Variants in TNFRSF9 observed in about 807,000 individuals in gnomAD.
The protein encoded by TNFRSF9 is tumor necrosis factor receptor superfamily member 9.
In TNFRSF9, 16 loss-of-function variants were observed where a neutral mutation model predicts 28.8. That is an observed-to-expected ratio of 0.55 (90% CI 0.38 to 0.84). The LOEUF (loss-of-function observed/expected upper bound fraction) is 0.84. Ranked by LOEUF, TNFRSF9 falls within the 40% of genes least tolerant of loss-of-function variation. The pLI, the probability that TNFRSF9 is intolerant of heterozygous loss-of-function variation, is 0.00. For missense variants in TNFRSF9, 303 were observed against 315.0 expected, an observed-to-expected ratio of 0.96 and a Z score of 0.29; for synonymous variants, 131 against 117.0, an observed-to-expected ratio of 1.12 and a Z score of -0.77.
intron 7 of TNFRSF9, among the ~76,000 whole-genome samples, chr1:7,930,521 AC>A (rs1639719282): frequency 6.6e-6 from 1 of 152,122 alleles, no homozygotes; most frequent in Non-Finnish European, 1.5e-5. Flanking sequence ...ACTTTGGGAA[AC>A]CGAGGTGGGA....
chr1:7,938,759 C>A lies in TNFRSF9; in HGVS notation c.170G>T (p.Gly57Val). Residue 57 changes from glycine (G) to valine (V), a missense_variant, in exon 3 of 8, where the codon GGT (glycine) becomes GTT (valine). Gly to Val is a moderately radical substitution (Grantham distance 109, BLOSUM62 -3). Coordinates refer to ENST00000377507, the MANE Select transcript of TNFRSF9 (RefSeq NM_001561.6). ...PCPPNSFSSAGGQRTCDICRQ... is the reference protein window; with the variant it reads ...PCPPNSFSSAVGQRTCDICRQ... ...GCATATGTCACAGGTCCTTTGTCCA[C>A]CTGCGCTGGAGAAACTATTTGGAGG... 1 of 1,613,650 alleles carries A rather than the reference C, an allele frequency of 6.2e-7. No homozygotes were observed.
Position 7,937,693 on chromosome 1 carries a change from G to T in TNFRSF9, c.410C>A (p.Thr137Lys). ...DQKRGICRPW[T>K]NCSLDGKSVL... ...AACTAAAGGAAATTATACGTACTTTGTCCAGGGTCGACAGATGCCACGTTT... is the reference window on the plus strand; with the variant it reads ...AACTAAAGGAAATTATACGTACTTTTTCCAGGGTCGACAGATGCCACGTTT... The change falls in exon 5 of 8, where the codon ACA (threonine) becomes AAA (lysine). Residue 137 changes from threonine to lysine, a missense_variant. Physicochemically the swap from Thr to Lys is moderately conservative, Grantham distance 78. Coordinates refer to ENST00000377507, the MANE Select transcript of TNFRSF9 (RefSeq NM_001561.6). The T allele has an allele frequency of 6.2e-7, 1 of 1,612,528 alleles. No homozygotes were observed. Among genetic ancestry groups the T allele is most frequent in the Admixed American group, 1.7e-5 (1 of 60,000 alleles).
In TNFRSF9 at chr1:7,917,231, T is replaced by C. The variant is rs999693032; in HGVS notation, c.*3604A>G. On this transcript the variant is annotated 3_prime_UTR_variant, in exon 8 of 8. Coordinates refer to ENST00000377507, the MANE Select transcript of TNFRSF9 (RefSeq NM_001561.6). ...CAGGCGTGAGCCACCGTGCCTGACC[T>C]AGCTAAGACACTTCTGAAGTAGAAA... 6.6e-6 allele frequency: 1 copy of C among 152,170 alleles called. No homozygotes were observed. The highest frequency in any genetic ancestry group is 1.5e-5 in the Non-Finnish European group (1 of 68,042). The allele number at this position is 152,170 out of a possible 1,614,324, so 9.4% of individuals were successfully genotyped here. A position where few individuals can be genotyped will look rare whatever the true frequency, so the allele number is the denominator to read the frequency against.
intron 2 of TNFRSF9, among the ~76,000 whole-genome samples, chr1:7,939,497 T>C (rs1246265735): frequency 6.6e-6 from 1 of 152,146 alleles, no homozygotes; most frequent in African/African-American, 2.4e-5. Context: ...ACACTAAAAT[T>C]TAAATGCGAC....
intron 7 of TNFRSF9, among the ~76,000 whole-genome samples, chr1:7,922,964 G>A (rs902187324): frequency 2.7e-5 from 4 of 148,852 alleles, no homozygotes; most frequent in Non-Finnish European, 4.5e-5. Context: ...GTGCAATGGC[G>A]TGATCTCAGC....
chr1:7,925,588 A>G (rs1353186180), intron 7 of TNFRSF9, among the ~76,000 whole-genome samples: 1 of 152,110 alleles, frequency 6.6e-6, no homozygotes, highest in African/African-American at 2.4e-5. Context: ...TTACTTTGTA[A>G]TATATAATGA....
intron 7 of TNFRSF9, among the ~76,000 whole-genome samples, chr1:7,928,922 C>T (rs1454472451): frequency 6.6e-6 from 1 of 151,772 alleles, no homozygotes; most frequent in Non-Finnish European, 1.5e-5. Flanking sequence ...AAAAAACAAA[C>T]AAACAAACAA....
Position 7,927,040 on chromosome 1 carries a change from A to G in TNFRSF9, c.680-6117T>C, listed in dbSNP as rs555174360. On this transcript the variant is annotated intron_variant, in intron 7 of 7. Coordinates refer to ENST00000377507, the MANE Select transcript of TNFRSF9 (RefSeq NM_001561.6). The stretch of plus-strand genomic sequence containing the variant: ...GGAGTTCAAGACCAGCCTGAGCAAC[A>G]TGGTGAGACTCTGTCTCAAAATAAA... 4.0e-5 allele frequency among the ~76,000 whole-genome samples: 6 copies of G among 150,768 alleles called. No homozygotes were observed. In the South Asian group the frequency reaches 8.7e-4, roughly 22 times the overall value.
intron 7 of TNFRSF9, among the ~76,000 whole-genome samples, chr1:7,923,379 G>A (rs1443778100): frequency 1.3e-5 from 2 of 152,128 alleles, no homozygotes; most frequent in Non-Finnish European, 2.9e-5. Flanking sequence ...CCTAGTGGGA[G>A]CTAGAACTCC....
At position 7,938,248 on chromosome 1, in the gene TNFRSF9, T is replaced by C. The variant is rs146308127; in HGVS notation, c.291A>G (p.Ala97=). Residue 97 remains alanine (A), a synonymous_variant, in exon 4 of 8, where the codon GCA becomes GCG. Transcript: ENST00000377507. ...AATCCTGTTCACACATGCTGCATCC[T>C]GCCCCCAGGCAGTGAAACCCTGGAG... ...DCTPGFHCLG[A]GCSMCEQDCK... 3.9e-4 allele frequency: 628 copies of C among 1,608,558 alleles called. 1 individual carries two copies. In the African/African-American group the frequency reaches 7.7e-3, roughly 20 times the overall value.
chr1:7,937,609 G>T, intron 5 of TNFRSF9, 81 bp downstream of exon 5: 1 of 1,164,478 alleles, frequency 8.6e-7, no homozygotes. Flanking sequence ...GTGCAAAAAA[G>T]CTTCAATGAT....
At chr1:7,927,550 C>T (rs1293871686) in intron 7 of TNFRSF9, among the ~76,000 whole-genome samples, 1 of 152,026 alleles carries the variant, frequency 6.6e-6, no homozygotes, top group African/African-American at 2.4e-5. Flanking sequence ...TCCTGTAGTC[C>T]CAGCTACTTG....
At chr1:7,929,824 A>C (rs570046994) in intron 7 of TNFRSF9, among the ~76,000 whole-genome samples, 1 of 152,316 alleles carries the variant, frequency 6.6e-6, no homozygotes, top group South Asian at 2.1e-4. Context: ...ACACACGCAC[A>C]CTGTGCCAAT....
At position 7,917,955 on chromosome 1, in the gene TNFRSF9, G is replaced by GATATATATAT. The variant is rs151323868; in HGVS notation, c.*2870_*2879dup. 122 of 136,440 alleles carry GATATATATAT rather than the reference G, an allele frequency of 8.9e-4. No individual in the cohort carries two copies. Among genetic ancestry groups the GATATATATAT allele is most frequent in the African/African-American group, 3.3e-3 (114 of 34,666 alleles). The allele number at this position is 136,440 out of a possible 1,614,324, so 8.5% of individuals were successfully genotyped here. On this transcript the variant is annotated 3_prime_UTR_variant, in exon 8 of 8. Transcript: ENST00000377507. ...AAAAAGGGAAAAATAAATTACAAAG[G>GATATATATAT]ATATATATATATATATATATAGATA...
At chr1:7,929,527 TC>T (rs1639703939) in intron 7 of TNFRSF9, among the ~76,000 whole-genome samples, 1 of 152,118 alleles carries the variant, frequency 6.6e-6, no homozygotes, top group South Asian at 2.1e-4. Flanking sequence ...CCCACCGTAT[TC>T]CCACTGCAAT....
chr1:7,928,082 G>A (rs1639680434), intron 7 of TNFRSF9, among the ~76,000 whole-genome samples: 1 of 152,142 alleles, frequency 6.6e-6, no homozygotes, highest in Non-Finnish European at 1.5e-5. Flanking sequence ...ACCCATAAGG[G>A]AAGTGCAAAT....
intron 6 of TNFRSF9, among the ~76,000 whole-genome samples, chr1:7,934,717 AAAAAG>A (rs747047089): frequency 4.1e-4 from 63 of 152,232 alleles, no homozygotes; most frequent in South Asian, 8.3e-4. Context: ...AAAAACAAAA[AAAAAG>A]AAAAGAAAAG....
rs558387180 is a variant in TNFRSF9, at chr1:7,931,611, C to T, written c.679+1551G>A. On this transcript the variant is annotated intron_variant, in intron 7 of 7. Transcript: ENST00000377507. ...ACAGCAAAAGGAAGTTAATACCATA[C>T]AAGTCTAGATGTGGTTAGCAGTAGT... 2.2e-4 allele frequency among the ~76,000 whole-genome samples: 33 copies of T among 152,324 alleles called. No individual in the cohort carries two copies. In the South Asian group the frequency reaches 6.8e-3, roughly 32 times the overall value.
rs1557431078 is a variant in TNFRSF9, at chr1:7,938,334, CA to C, written c.209-5del. 1 of 1,598,042 alleles carries C rather than the reference CA, an allele frequency of 6.3e-7. No individual in the cohort carries two copies. The highest frequency in any genetic ancestry group is 2.3e-5 in the East Asian group (1 of 44,122). ...TCCTTCCTGGTCCTGAAAACACCTA[CA>C]AAGTCCCCCCAGCCCCCAACATTTT... On this transcript the variant is annotated splice_polypyrimidine_tract_variant and splice_region_variant and intron_variant, in intron 3 of 7. Transcript: ENST00000377507.
Sources: allele counts gnomAD v4.1 joint callset (sites outside exome capture counted in the v4.1 genomes callset), GRCh38; gene constraint gnomAD v4.1.1; transcripts MANE v1.5; gene names NCBI Gene and HGNC (gene_info 2026-07-23, HGNC 2026-07-21).